PUM1: variants seen among roughly 807,000 people sequenced by gnomAD.
The protein encoded by PUM1 is pumilio homolog 1.
Under a neutral mutation model 131.8 loss-of-function variants are expected in PUM1, and 13 were observed. The ratio of observed to expected loss-of-function variants is 0.10; its 90% CI spans 0.06 to 0.16. The LOEUF (loss-of-function observed/expected upper bound fraction) is 0.16, where lower values mean the gene tolerates loss of function less well. Ranked by LOEUF, PUM1 falls within the 10% of genes least tolerant of loss-of-function variation. The pLI is 1.00. For missense variants in PUM1, 961 were observed against 1,512.4 expected, an observed-to-expected ratio of 0.64 and a Z score of 6.05; for synonymous variants, 509 against 556.5, an observed-to-expected ratio of 0.91 and a Z score of 1.20.
chr1:30,934,038 G>A (rs1639092637), intron 21 of PUM1, among the ~76,000 whole-genome samples: 1 of 152,150 alleles, frequency 6.6e-6, no homozygotes, highest in Non-Finnish European at 1.5e-5. Flanking sequence ...TCTCCCCACT[G>A]TGCTCTCAAG....
chr1:30,961,892 C>A (rs982098473), intron 14 of PUM1, among the ~76,000 whole-genome samples: 8 of 152,190 alleles, frequency 5.3e-5, no homozygotes, highest in African/African-American at 1.4e-4. Flanking sequence ...GGCTGCTCAT[C>A]ACTGCTGATG....
At chr1:31,037,263 C>T (rs1229000564) in intron 2 of PUM1, 1 of 152,426 alleles carries the variant, frequency 6.6e-6, no homozygotes, top group Non-Finnish European at 1.5e-5. Context: ...ATAAGACTAG[C>T]CACTTTACAA....
chr1:30,987,409 C>A (rs1641606342), intron 7 of PUM1, among the ~76,000 whole-genome samples: 1 of 152,070 alleles, frequency 6.6e-6, no homozygotes, highest in Non-Finnish European at 1.5e-5. Context: ...ATTGGCCAGG[C>A]TGCTCTCGAA....
intron 5 of PUM1, 102 bp from the exon 6 acceptor site, chr1:30,995,322 T>C (rs1380904389): frequency 1.3e-5 from 16 of 1,267,764 alleles, no homozygotes; most frequent in Admixed American, 9.5e-5. Flanking sequence ...CAGAAGAGGA[T>C]AGTGTTGTGC....
intron 14 of PUM1, among the ~76,000 whole-genome samples, chr1:30,955,707 T>C (rs974259393): frequency 1.3e-5 from 2 of 152,122 alleles, no homozygotes; most frequent in African/African-American, 4.8e-5. Context: ...TTCTCAACTC[T>C]TCACAAGTCT....
chr1:30,986,755 GATCA>G (rs1035524003), intron 7 of PUM1, among the ~76,000 whole-genome samples: 1 of 152,150 alleles, frequency 6.6e-6, no homozygotes, highest in Non-Finnish European at 1.5e-5. Context: ...AGCTTCAACT[GATCA>G]ATTACTAGTC....
chr1:30,953,585 T>C lies in PUM1; in HGVS notation c.2591+129A>G, dbSNP rs575327069. 7.2e-5 allele frequency: 71 copies of C among 980,640 alleles called. No individual in the cohort carries two copies. The African/African-American group carries it at 1.1e-3, about 15-fold the overall frequency. The allele number at this position is 980,640 out of a possible 1,614,324, so 60.7% of individuals were successfully genotyped here. ...CTTAAATCCCTATGAAATAATGTGA[T>C]GCAAACTAAGAGGCACGCTTTTAAA... On this transcript the variant is annotated intron_variant, in intron 15 of 21. Coordinates refer to ENST00000426105, the MANE Select transcript of PUM1 (RefSeq NM_001020658.2).
At chr1:31,016,450 G>C (rs1408188173) in intron 3 of PUM1, among the ~76,000 whole-genome samples, 1 of 152,054 alleles carries the variant, frequency 6.6e-6, no homozygotes, top group Non-Finnish European at 1.5e-5. Context: ...GAAGGAATAA[G>C]ATCTTCCAAA....
At chr1:30,995,830 A>C (rs902518589) in intron 5 of PUM1, among the ~76,000 whole-genome samples, 1 of 152,196 alleles carries the variant, frequency 6.6e-6, no homozygotes, top group Non-Finnish European at 1.5e-5. Flanking sequence ...CCTCACAGGT[A>C]TGCATCAATT....
At chr1:30,990,467 A>C (rs1641745345) in intron 7 of PUM1, among the ~76,000 whole-genome samples, 1 of 152,190 alleles carries the variant, frequency 6.6e-6, no homozygotes, top group Non-Finnish European at 1.5e-5. Flanking sequence ...GTAAATTAGA[A>C]ATGAAAAGTG....
intron 5 of PUM1, among the ~76,000 whole-genome samples, chr1:30,997,306 T>C (rs1242377158): frequency 6.6e-6 from 1 of 151,042 alleles, no homozygotes; most frequent in African/African-American, 2.4e-5. Context: ...AGCTCAGGAG[T>C]TCAAGACCAG....
At chr1:30,975,244 G>A (rs61778259) in intron 9 of PUM1, among the ~76,000 whole-genome samples, 10,933 of 152,206 alleles carry the variant, frequency 0.072, 654 homozygotes, top group East Asian at 0.28. Flanking sequence ...ACGGAGTGCT[G>A]TTGTTTCATT....
chr1:30,973,534 A>G (rs1019612087), intron 10 of PUM1, among the ~76,000 whole-genome samples: 1 of 152,228 alleles, frequency 6.6e-6, no homozygotes, highest in Non-Finnish European at 1.5e-5. Flanking sequence ...ATCAAATATA[A>G]TAGACTAGTC....
rs3838989 is a variant in PUM1 at position 30,941,049 on chromosome 1, AAACAAC to A, written c.3242+96_3242+101del. 8.1e-3 allele frequency: 10,871 copies of A among 1,346,966 alleles called. 184 individuals are homozygous for A. The highest frequency in any genetic ancestry group is 0.068 in the Admixed American group (2,993 of 44,114). 83.4% of individuals were successfully genotyped at this position (1,346,966 alleles called of 1,614,324 possible). A position where few individuals can be genotyped will look rare whatever the true frequency, so the allele number is the denominator to read the frequency against. On this transcript the variant is annotated intron_variant, in intron 20 of 21. Transcript: ENST00000426105. Reference sequence around the variant, plus strand: ...GACTTTTAAGCTATATATACTTTGAAAACAACAACAACAACAACAACATTAAAAAAT... The same window carrying A: ...GACTTTTAAGCTATATATACTTTGAAAACAACAACAACAACATTAAAAAAT...
rs149120816 is a variant in PUM1, at chr1:31,058,488, G to A, written c.363+716C>T. ...ATCCTGGCTAACACAGTGAAACCCC[G>A]TCTCTACCAAAAAAAATACAAAAAA... is the stretch of plus-strand genomic sequence containing the variant. On this transcript the variant is annotated intron_variant, in intron 2 of 21. Transcript: ENST00000426105. Among the ~76,000 whole-genome samples, 774 of 151,316 alleles carry A rather than the reference G, an allele frequency of 5.1e-3. 4 individuals carry two copies. Among genetic ancestry groups the A allele is most frequent in the East Asian group, 0.032 (164 of 5,134 alleles).
rs748444500 is a variant in PUM1 at position 31,033,376 on chromosome 1, C to CTTTT, written c.364-4516_364-4513dup. On this transcript the variant is annotated intron_variant, in intron 2 of 21. Coordinates refer to ENST00000426105, the MANE Select transcript of PUM1 (RefSeq NM_001020658.2). ...TGTGCCACCACATCCAGCTAATTTT[C>CTTTT]TTTTTTTTTTTTTTTTTTTTTTTTT... Among the ~76,000 whole-genome samples the CTTTT allele has an allele frequency of 3.7e-3, 382 of 102,520 alleles. 23 individuals are homozygous for CTTTT. The highest frequency in any genetic ancestry group is 5.7e-3 in the Non-Finnish European group (303 of 53,200). The allele number at this position is 102,520 out of a possible 152,430, so 67.3% of individuals were successfully genotyped here.
At chr1:31,046,713 AC>A (rs1465706172) in intron 2 of PUM1, among the ~76,000 whole-genome samples, 3 of 151,576 alleles carry the variant, frequency 2.0e-5, no homozygotes, top group African/African-American at 7.3e-5. Flanking sequence ...CTCGTGATCC[AC>A]CCACCTCCGT....
At chr1:31,034,444 A>T (rs527788957) in intron 2 of PUM1, among the ~76,000 whole-genome samples, 1 of 152,344 alleles carries the variant, frequency 6.6e-6, no homozygotes, top group South Asian at 2.1e-4. Flanking sequence ...GTTCAAGACC[A>T]GCATGGCCAA....
At chr1:31,015,814 C>T (rs1642796897) in intron 3 of PUM1, among the ~76,000 whole-genome samples, 1 of 151,906 alleles carries the variant, frequency 6.6e-6, no homozygotes, top group Admixed American at 6.6e-5. Flanking sequence ...GCTGGGATTA[C>T]AGGCATGCGC....
Sources: gnomAD v4.1 joint callset for allele counts (sites outside exome capture counted in the v4.1 genomes callset) on GRCh38, gnomAD v4.1.1 for gene constraint, MANE v1.5 for transcripts, NCBI Gene and HGNC (gene_info 2026-07-23, HGNC 2026-07-21) for gene names.